The following CSGALNACT1 variants were observed in gnomAD, a reference collection of about 807,000 sequenced individuals.
The protein encoded by CSGALNACT1 is beta4GalNAcT-1.
In CSGALNACT1, 52 loss-of-function variants were observed where a neutral mutation model predicts 51.0. That is an observed-to-expected ratio of 1.02 (90% confidence interval 0.82 to 1.29). The LOEUF is 1.29. Among genes scored for constraint, CSGALNACT1 ranks in the 50% most tolerant of loss-of-function variants. The probability of loss-of-function intolerance (pLI) is 0.00; values close to 1 mark genes in which losing one functional copy is unlikely to be tolerated. For synonymous variants in CSGALNACT1, 341 were observed against 254.4 expected, an observed-to-expected ratio of 1.34 and a Z score of -3.24; for missense variants, 935 against 679.2, an observed-to-expected ratio of 1.38 and a Z score of -4.19.
chr8:19,623,359 A>G (rs1220172068), intron 1 of CSGALNACT1, among the ~76,000 whole-genome samples: 1 of 152,248 alleles, frequency 6.6e-6, no homozygotes, highest in African/African-American at 2.4e-5. Context: ...AACAGGAAAA[A>G]CAATCTGTGA....
intron 3 of CSGALNACT1, among the ~76,000 whole-genome samples, chr8:19,527,043 T>C (rs75331677): frequency 8.3e-4 from 126 of 152,314 alleles, no homozygotes; most frequent in African/African-American, 2.9e-3. Flanking sequence ...TATACCTATA[T>C]ACTATGTAGC....
intron 1 of CSGALNACT1, among the ~76,000 whole-genome samples, chr8:19,647,603 G>T (rs1033812554): frequency 6.6e-6 from 1 of 152,080 alleles, no homozygotes; most frequent in South Asian, 2.1e-4. Flanking sequence ...ACCACAGATC[G>T]GAGTTTTCTT....
At chr8:19,687,594 T>C (rs1015190328) in intron 1 of CSGALNACT1, among the ~76,000 whole-genome samples, 1 of 152,226 alleles carries the variant, frequency 6.6e-6, no homozygotes, top group African/African-American at 2.4e-5. Context: ...CTTGGTCCAT[T>C]ACCACACTAA....
chr8:19,442,587 G>A, intron 5 of CSGALNACT1, among the ~76,000 whole-genome samples: 1 of 130,334 alleles, frequency 7.7e-6, no homozygotes, highest in Non-Finnish European at 1.6e-5. Flanking sequence ...GGGGGAGGGG[G>A]GAGGGATAGC....
At chr8:19,482,094 A>T (rs2071556351) in intron 4 of CSGALNACT1, among the ~76,000 whole-genome samples, 1 of 152,048 alleles carries the variant, frequency 6.6e-6, no homozygotes, top group African/African-American at 2.4e-5. Context: ...CTGAGTATAC[A>T]CACTAGAGCT....
intron 3 of CSGALNACT1, among the ~76,000 whole-genome samples, chr8:19,551,885 T>C (rs976619475): frequency 2.6e-5 from 4 of 152,206 alleles, no homozygotes; most frequent in Non-Finnish European, 5.9e-5. Context: ...TGTGTTCCAA[T>C]TGTCCTATAT....
intron 4 of CSGALNACT1, among the ~76,000 whole-genome samples, chr8:19,500,498 T>G (rs1424380614): frequency 6.6e-6 from 1 of 152,168 alleles, no homozygotes; most frequent in Non-Finnish European, 1.5e-5. Flanking sequence ...TAAGGACCCA[T>G]TTCCTGTCCG....
chr8:19,668,372 A>G (rs2059548208), intron 1 of CSGALNACT1, among the ~76,000 whole-genome samples: 1 of 152,056 alleles, frequency 6.6e-6, no homozygotes, highest in African/African-American at 2.4e-5. Context: ...CTTTATCAAA[A>G]AAGGCAATCA....
At chr8:19,568,674 T>C (rs997425797) in intron 3 of CSGALNACT1, among the ~76,000 whole-genome samples, 1 of 152,128 alleles carries the variant, frequency 6.6e-6, no homozygotes, top group South Asian at 2.1e-4. Flanking sequence ...CTTCAAAAAA[T>C]ATGAGATTCT....
At chr8:19,687,224 A>G (rs1362087993), upstream of CSGALNACT1, among the ~76,000 whole-genome samples, 1 of 152,182 alleles carries the variant, frequency 6.6e-6, no homozygotes, top group Admixed American at 6.5e-5. Flanking sequence ...CTAGTTGGTC[A>G]TCCTACCAAC....
At chr8:19,507,535 A>G (rs1587482416) in intron 3 of CSGALNACT1, among the ~76,000 whole-genome samples, 3 of 135,600 alleles carry the variant, frequency 2.2e-5, no homozygotes, top group Admixed American at 7.1e-5. Flanking sequence ...CCAGAAAAAA[A>G]AAAAAAAAAA....
At chr8:19,678,852 C>G (rs1039958503) in intron 1 of CSGALNACT1, 1 of 152,100 alleles carries the variant, frequency 6.6e-6, no homozygotes, top group Admixed American at 6.5e-5. Context: ...GCAGGTAAGA[C>G]CAGGAAGCCC....
intron 1 of CSGALNACT1, among the ~76,000 whole-genome samples, chr8:19,722,258 G>C (rs961907156): frequency 1.3e-4 from 20 of 152,072 alleles, no homozygotes; most frequent in African/African-American, 4.6e-4. Flanking sequence ...AATGTACACA[G>C]TATAGTGTAT....
At chr8:19,736,035 G>T (rs764092778) in intron 1 of CSGALNACT1, among the ~76,000 whole-genome samples, 11 of 152,034 alleles carry the variant, frequency 7.2e-5, no homozygotes, top group Non-Finnish European at 1.5e-4. Flanking sequence ...TGCAACACAG[G>T]AAAACACATT....
intron 1 of CSGALNACT1, among the ~76,000 whole-genome samples, chr8:19,693,518 C>T (rs2061435449): frequency 6.6e-6 from 1 of 152,144 alleles, no homozygotes; most frequent in South Asian, 2.1e-4. Flanking sequence ...ATTGCATGGG[C>T]CATGACTAAT....
chr8:19,645,790 T>A (rs1378726980), intron 1 of CSGALNACT1, among the ~76,000 whole-genome samples: 1 of 152,102 alleles, frequency 6.6e-6, no homozygotes, highest in South Asian at 2.1e-4. Flanking sequence ...GCAGCCTGGA[T>A]GATCAAATGT....
At chr8:19,539,798 C>T (rs1034014805) in intron 3 of CSGALNACT1, among the ~76,000 whole-genome samples, 4 of 152,122 alleles carry the variant, frequency 2.6e-5, no homozygotes, top group Non-Finnish European at 4.4e-5. Context: ...GAGGCGATGC[C>T]CCTCCTACAC....
At chr8:19,489,657 G>A (rs903126915) in intron 4 of CSGALNACT1, among the ~76,000 whole-genome samples, 2 of 152,188 alleles carry the variant, frequency 1.3e-5, no homozygotes, top group Non-Finnish European at 2.9e-5. Context: ...GACAATCACA[G>A]GACACAAATG....
At chr8:19,683,644 C>T (rs373813763), upstream of CSGALNACT1, among the ~76,000 whole-genome samples, 1 of 152,034 alleles carries the variant, frequency 6.6e-6, no homozygotes, top group African/African-American at 2.4e-5. Flanking sequence ...ATAGACAGAC[C>T]ATATACCTGG....
Sources: gnomAD v4.1 joint callset for allele counts (sites outside exome capture counted in the v4.1 genomes callset) on GRCh38, gnomAD v4.1.1 for gene constraint, MANE v1.5 for transcripts, NCBI Gene and HGNC (gene_info 2026-07-23, HGNC 2026-07-21) for gene names.